The following HS3ST5 variants were observed in gnomAD, a reference collection of about 807,000 sequenced individuals.
HS3ST5 encodes heparan sulfate glucosamine 3-O-sulfotransferase 5.
Under a neutral mutation model 25.4 loss-of-function variants are expected in HS3ST5, and 10 were observed. That is an observed-to-expected ratio of 0.39 (90% CI 0.24 to 0.67). The LOEUF (loss-of-function observed/expected upper bound fraction) is 0.67, where lower values mean the gene tolerates loss of function less well. HS3ST5 is among the 30% of genes least tolerant of loss of function. HS3ST5 has a pLI of 0.44. For synonymous variants in HS3ST5, 170 were observed against 162.4 expected, an observed-to-expected ratio of 1.05 and a Z score of -0.36; for missense variants, 324 against 420.7, an observed-to-expected ratio of 0.77 and a Z score of 2.01.
intron 1 of HS3ST5, among the ~76,000 whole-genome samples, chr6:114,268,179 T>A (rs1582773708): frequency 6.6e-6 from 1 of 152,184 alleles, no homozygotes; most frequent in Non-Finnish European, 1.5e-5. Flanking sequence ...TTGGATGGCT[T>A]TCATTGCCAC....
chr6:114,119,587 C>T (rs989569772), intron 3 of HS3ST5, among the ~76,000 whole-genome samples: 5 of 151,872 alleles, frequency 3.3e-5, no homozygotes, highest in East Asian at 1.9e-4. Flanking sequence ...TTTAGAGAAG[C>T]GAATATGAAA....
At chr6:114,319,555 A>G (rs1775880235) in intron 1 of HS3ST5, among the ~76,000 whole-genome samples, 1 of 152,126 alleles carries the variant, frequency 6.6e-6, no homozygotes, top group Non-Finnish European at 1.5e-5. Context: ...CCCTGGGTAC[A>G]TATATCATAA....
At chr6:114,080,486 C>T (rs1269526691) in intron 3 of HS3ST5, among the ~76,000 whole-genome samples, 1 of 152,200 alleles carries the variant, frequency 6.6e-6, no homozygotes, top group Admixed American at 6.5e-5. Flanking sequence ...TGTGTACTCA[C>T]ATGTTTATTG....
At chr6:114,184,681 A>T (rs1311048557) in intron 2 of HS3ST5, among the ~76,000 whole-genome samples, 1 of 152,204 alleles carries the variant, frequency 6.6e-6, no homozygotes, top group African/African-American at 2.4e-5. Context: ...AGGCAATAAG[A>T]TCTCTGTCCG....
chr6:114,189,331 T>G (rs1320366922), intron 2 of HS3ST5, among the ~76,000 whole-genome samples: 2 of 152,250 alleles, frequency 1.3e-5, no homozygotes, highest in Middle Eastern at 3.4e-3. Context: ...GTCCTCAGTG[T>G]TGTAAAATTT....
At chr6:114,166,820 C>T (rs1467298553) in intron 3 of HS3ST5, among the ~76,000 whole-genome samples, 5 of 152,138 alleles carry the variant, frequency 3.3e-5, no homozygotes, top group Non-Finnish European at 7.3e-5. Flanking sequence ...ATTTTAGCCT[C>T]TGAGTCAGAC....
Position 114,195,135 on chromosome 6 carries a change from G to GC in HS3ST5, c.-144-26674dup, listed in dbSNP as rs1780677482. Among the ~76,000 whole-genome samples the GC allele has an allele frequency of 1.3e-5, 2 of 152,272 alleles. 1 individual carries two copies. Among genetic ancestry groups the GC allele is most frequent in the East Asian group, 3.9e-4 (2 of 5,186 alleles). ...TTCAAGTCATTATTAAATCCAGAGA[G>GC]CCACTAAGGAACTGCTGTTTGGATG... On this transcript the variant is annotated intron_variant, in intron 2 of 4. Transcript: ENST00000312719.
chr6:114,127,136 C>T (rs973857442), intron 3 of HS3ST5, among the ~76,000 whole-genome samples: 3 of 152,118 alleles, frequency 2.0e-5, no homozygotes, highest in African/African-American at 7.2e-5. Context: ...CCTGTAACCC[C>T]AGCATTTTGG....
chr6:114,261,903 A>G (rs2114669845), intron 1 of HS3ST5, among the ~76,000 whole-genome samples: 1 of 152,310 alleles, frequency 6.6e-6, no homozygotes, highest in East Asian at 1.9e-4. Flanking sequence ...TGAATGAGGA[A>G]GACAGTCTGT....
At chr6:114,336,370 A>T (rs960736514) in intron 1 of HS3ST5, among the ~76,000 whole-genome samples, 7 of 152,354 alleles carry the variant, frequency 4.6e-5, no homozygotes, top group African/African-American at 1.7e-4. Context: ...CCACTTTGGG[A>T]GGCCGAGGTG....
At chr6:114,093,084 G>T (rs1775218019) in intron 3 of HS3ST5, among the ~76,000 whole-genome samples, 1 of 152,174 alleles carries the variant, frequency 6.6e-6, no homozygotes, top group Non-Finnish European at 1.5e-5. Context: ...GATTGTGGAA[G>T]TTCAATAACA....
intron 1 of HS3ST5, among the ~76,000 whole-genome samples, chr6:114,286,385 T>C (rs1316781668): frequency 6.6e-6 from 1 of 152,066 alleles, no homozygotes; most frequent in East Asian, 1.9e-4. Flanking sequence ...GTTGTAGAGA[T>C]GTGCTTTCAG....
At chr6:114,086,826 A>G (rs1263065897) in intron 3 of HS3ST5, among the ~76,000 whole-genome samples, 1 of 152,220 alleles carries the variant, frequency 6.6e-6, no homozygotes, top group East Asian at 1.9e-4. Context: ...GCCTATGACT[A>G]TACTATTAAA....
intron 2 of HS3ST5, among the ~76,000 whole-genome samples, chr6:114,215,130 C>A (rs545684756): frequency 6.6e-6 from 1 of 152,102 alleles, no homozygotes; most frequent in Non-Finnish European, 1.5e-5. Context: ...ATGGTGAAAC[C>A]CCGTCTCTAC....
chr6:114,286,978 A>C (rs886608857), intron 1 of HS3ST5, among the ~76,000 whole-genome samples: 5 of 152,018 alleles, frequency 3.3e-5, no homozygotes, highest in African/African-American at 1.2e-4. Context: ...AGAATGGTAC[A>C]GAGTAGTTTC....
chr6:114,223,500 T>C (rs1344145572), intron 2 of HS3ST5, among the ~76,000 whole-genome samples: 1 of 151,758 alleles, frequency 6.6e-6, no homozygotes, highest in Non-Finnish European at 1.5e-5. Flanking sequence ...ATAGGAAAAT[T>C]ATTATCATCT....
At chr6:114,279,024 A>G (rs562187059) in intron 1 of HS3ST5, among the ~76,000 whole-genome samples, 1 of 152,170 alleles carries the variant, frequency 6.6e-6, no homozygotes, top group South Asian at 2.1e-4. Context: ...GCAGTAAACT[A>G]TAGGATTGCT....
In HS3ST5 at chr6:114,148,142, A is replaced by G. The variant is rs544882068; in HGVS notation, c.-33+20209T>C. 5.9e-5 allele frequency among the ~76,000 whole-genome samples: 9 copies of G among 152,310 alleles called. No homozygotes were observed. The East Asian group carries it at 1.7e-3, about 29-fold the overall frequency. On this transcript the variant is annotated intron_variant, in intron 3 of 4. Transcript: ENST00000312719. ...GAAATAACACCACACATCTACAACC[A>G]TCTGATCTTTGACAAACCTGACAAA... is the stretch of plus-strand genomic sequence containing the variant.
intron 2 of HS3ST5, among the ~76,000 whole-genome samples, chr6:114,189,973 A>C (rs1780419786): frequency 6.6e-6 from 1 of 152,164 alleles, no homozygotes; most frequent in African/African-American, 2.4e-5. Context: ...CCCAAAGAAA[A>C]CTGATTGAGT....
Sources: allele counts gnomAD v4.1 joint callset (sites outside exome capture counted in the v4.1 genomes callset), GRCh38; gene constraint gnomAD v4.1.1; transcripts MANE v1.5; gene names NCBI Gene and HGNC (gene_info 2026-07-23, HGNC 2026-07-21).